UTS2B: variants seen among roughly 807,000 people sequenced by gnomAD.
UTS2B encodes urotensin-2B.
In UTS2B, 21 loss-of-function variants were observed where a neutral mutation model predicts 19.2. The ratio of observed to expected loss-of-function variants is 1.09; its 90% CI spans 0.78 to 1.58. The LOEUF (loss-of-function observed/expected upper bound fraction) is 1.58. Among genes scored for constraint, UTS2B ranks in the 40% most tolerant of loss-of-function variants. The pLI is 0.00. For missense variants in UTS2B, 138 were observed against 130.3 expected (o/e 1.06, Z -0.29); for synonymous variants, 57 against 50.2 (o/e 1.14, Z -0.58).
At chr3:191,331,952 C>CA (rs1350872043), upstream of UTS2B, among the ~76,000 whole-genome samples, 1 of 152,014 alleles carries the variant, frequency 6.6e-6, no homozygotes, top group Non-Finnish European at 1.5e-5. Flanking sequence ...GAACCCCATT[C>CA]AAAAAAATCC....
chr3:191,332,409 G>T (rs1718021534), upstream of UTS2B, among the ~76,000 whole-genome samples: 1 of 152,172 alleles, frequency 6.6e-6, no homozygotes, highest in Non-Finnish European at 1.5e-5. Context: ...AGTCAACTAA[G>T]TGTCAACACA....
the UTS2B span, among the ~76,000 whole-genome samples, chr3:191,344,731 A>C: frequency 6.6e-6 from 1 of 152,018 alleles, no homozygotes; most frequent in African/African-American, 2.4e-5. Flanking sequence ...GGCACATACC[A>C]CCACACCTGG....
chr3:191,329,600 C>T, intron 1 of UTS2B: 5 of 1,500,228 alleles, frequency 3.3e-6, no homozygotes, highest in Non-Finnish European at 4.5e-6. Flanking sequence ...GCTGCTGCTG[C>T]GCTCGGGGCC....
chr3:191,293,872 G>A (rs946019605), intron 4 of UTS2B, among the ~76,000 whole-genome samples: 11 of 151,802 alleles, frequency 7.2e-5, no homozygotes, highest in African/African-American at 2.2e-4. Flanking sequence ...CCGGGGGTGG[G>A]GGAGTCGGGG....
At chr3:191,272,093 T>C (rs1160527987) in intron 8 of UTS2B, among the ~76,000 whole-genome samples, 1 of 152,202 alleles carries the variant, frequency 6.6e-6, no homozygotes, top group African/African-American at 2.4e-5. Context: ...ACATAGTGTA[T>C]GCATGAAGTG....
At chr3:191,272,668 C>T (rs2108567083) in intron 8 of UTS2B, among the ~76,000 whole-genome samples, 1 of 151,960 alleles carries the variant, frequency 6.6e-6, no homozygotes, top group East Asian at 1.9e-4. Context: ...CGAGAACAGC[C>T]TGGCCAATAT....
intron 3 of UTS2B, among the ~76,000 whole-genome samples, chr3:191,305,788 T>C (rs117645439): frequency 6.6e-6 from 1 of 152,198 alleles, no homozygotes; most frequent in African/African-American, 2.4e-5. Context: ...AGGGTTTTTA[T>C]AGTTTTGAGT....
intron 4 of UTS2B, among the ~76,000 whole-genome samples, chr3:191,303,367 A>G (rs1275994741): frequency 6.6e-6 from 1 of 152,210 alleles, no homozygotes; most frequent in Non-Finnish European, 1.5e-5. Context: ...TCACCCCTAT[A>G]AAACTATCAA....
chr3:191,271,899 C>G (rs778443009), intron 8 of UTS2B, among the ~76,000 whole-genome samples: 13 of 152,104 alleles, frequency 8.5e-5, no homozygotes, highest in Admixed American at 2.0e-4. Flanking sequence ...CATAACAAAC[C>G]CAAAATATGT....
At chr3:191,324,742 A>G (rs1263155179) in intron 2 of UTS2B, among the ~76,000 whole-genome samples, 2 of 152,164 alleles carry the variant, frequency 1.3e-5, no homozygotes, top group East Asian at 1.9e-4. Flanking sequence ...AATGGGGTAT[A>G]AGCTCATCAG....
chr3:191,340,303 A>G, the UTS2B span, among the ~76,000 whole-genome samples: 157 of 152,324 alleles, frequency 1.0e-3, no homozygotes, highest in African/African-American at 3.7e-3. Context: ...CTTGCGCCTT[A>G]TATACTATCA....
chr3:191,287,905 C>T (rs992991552), intron 4 of UTS2B, among the ~76,000 whole-genome samples: 1 of 151,996 alleles, frequency 6.6e-6, no homozygotes, highest in African/African-American at 2.4e-5. Context: ...CTAAAGATTC[C>T]ATCCAGTAAT....
chr3:191,336,394 G>A, the UTS2B span, among the ~76,000 whole-genome samples: 204 of 151,952 alleles, frequency 1.3e-3, 1 homozygote, highest in African/African-American at 4.7e-3. Flanking sequence ...TCTTATTGTG[G>A]ATTTAATTTG....
the UTS2B span, among the ~76,000 whole-genome samples, chr3:191,339,864 A>G: frequency 0.026 from 3,887 of 152,298 alleles, 148 homozygotes; most frequent in African/African-American, 0.089. Flanking sequence ...AAAGGTTAAA[A>G]TGTACTTGTG....
At chr3:191,328,533 G>GC (rs1486678257) in intron 2 of UTS2B, 98 bp downstream of exon 2, 3 of 152,260 alleles carry the variant, frequency 2.0e-5, no homozygotes, top group Admixed American at 6.5e-5. Flanking sequence ...TGGTCACCCA[G>GC]CCACCCTTCG....
At chr3:191,286,228 C>T (rs1189032949) in intron 4 of UTS2B, among the ~76,000 whole-genome samples, 1 of 152,090 alleles carries the variant, frequency 6.6e-6, no homozygotes, top group Non-Finnish European at 1.5e-5. Flanking sequence ...ATTGTACAGA[C>T]AGAAAATCAA....
At chr3:191,330,200 T>C (rs1322404049) in intron 1 of UTS2B, among the ~76,000 whole-genome samples, 1 of 152,154 alleles carries the variant, frequency 6.6e-6, no homozygotes, top group Non-Finnish European at 1.5e-5. Context: ...GGCGTCTGGC[T>C]GGCTGACTTT....
chr3:191,292,005 A>T (rs1716733851), intron 4 of UTS2B, among the ~76,000 whole-genome samples: 1 of 152,146 alleles, frequency 6.6e-6, no homozygotes, highest in Non-Finnish European at 1.5e-5. Context: ...CTTTGTAGTA[A>T]GCCTTGAAAT....
chr3:191,338,419 G>A, the UTS2B span, among the ~76,000 whole-genome samples: 1 of 152,180 alleles, frequency 6.6e-6, no homozygotes, highest in Non-Finnish European at 1.5e-5. Flanking sequence ...AATGGTCCAC[G>A]TTCTTCCCAT....
Sources: gnomAD v4.1 joint callset for allele counts (sites outside exome capture counted in the v4.1 genomes callset) on GRCh38, gnomAD v4.1.1 for gene constraint, MANE v1.5 for transcripts, NCBI Gene and HGNC (gene_info 2026-07-23, HGNC 2026-07-21) for gene names.